Variants in HS6ST2 observed in about 807,000 individuals in gnomAD.
HS6ST2 encodes the protein heparan sulfate 6-O-sulfotransferase 2.
HS6ST2 carries 17 observed loss-of-function variants against 33.0 expected under a neutral mutation model. The ratio of observed to expected loss-of-function variants is 0.52; its 90% CI spans 0.35 to 0.77. The LOEUF is 0.77. Among genes scored for constraint, HS6ST2 ranks in the 30% least tolerant of loss-of-function variants. HS6ST2 has a pLI of 0.01. For missense variants in HS6ST2, 519 were observed against 551.7 expected (o/e 0.94, Z 0.59); for synonymous variants, 248 against 237.1 (o/e 1.05, Z -0.42).
intron 2 of HS6ST2, among the ~76,000 whole-genome samples, chrX:132,801,949 C>G (rs1248469828): frequency 9.0e-6 from 1 of 111,708 alleles, no homozygotes; most frequent in Non-Finnish European, 1.9e-5. Flanking sequence ...GATGTTTATC[C>G]TCTCCAGGGT....
intron 2 of HS6ST2, among the ~76,000 whole-genome samples, chrX:132,721,715 G>A (rs950731807): frequency 8.9e-6 from 1 of 111,732 alleles, no homozygotes; most frequent in Non-Finnish European, 1.9e-5. Context: ...AGGTTTTCTA[G>A]TGTGAACCCA....
chrX:132,733,370 T>C (rs1405378042), intron 2 of HS6ST2, among the ~76,000 whole-genome samples: 2 of 109,262 alleles, frequency 1.8e-5, no homozygotes, highest in Non-Finnish European at 3.8e-5. Flanking sequence ...AGTATGATAC[T>C]ATTCCCCCTA....
At chrX:132,904,533 TTGTGTGTGTG>T (rs58820779) in intron 2 of HS6ST2, among the ~76,000 whole-genome samples, 2 of 94,534 alleles carry the variant, frequency 2.1e-5, no homozygotes, top group Admixed American at 2.3e-4. Context: ...TTTTTTCTCT[TTGTGTGTGTG>T]TGTGTGTGTG....
At chrX:132,955,149 C>T (rs1226895348) in intron 2 of HS6ST2, among the ~76,000 whole-genome samples, 3 of 112,334 alleles carry the variant, frequency 2.7e-5, no homozygotes, top group Non-Finnish European at 5.6e-5. Flanking sequence ...AATACACCTA[C>T]AAGGTCTGTC....
chrX:132,936,955 G>T (rs1359144699), intron 2 of HS6ST2, among the ~76,000 whole-genome samples: 1 of 110,338 alleles, frequency 9.1e-6, no homozygotes, highest in Non-Finnish European at 1.9e-5. Flanking sequence ...CTTATATATA[G>T]AAAACCCTAA....
intron 2 of HS6ST2, among the ~76,000 whole-genome samples, chrX:132,921,370 G>A (rs947204750): frequency 1.8e-5 from 2 of 112,313 alleles, no homozygotes; most frequent in African/African-American, 6.5e-5. Flanking sequence ...TTTGAAAAGT[G>A]CTGGTTTGGA....
intron 2 of HS6ST2, among the ~76,000 whole-genome samples, chrX:132,794,574 G>GATTATTATTATT (rs1556445928): frequency 6.5e-4 from 64 of 99,066 alleles, no homozygotes; most frequent in South Asian, 2.9e-3. Flanking sequence ...TGATGATGAT[G>GATTATTATTATT]ATTATTATTA....
At chrX:132,891,838 A>T (rs967343944) in intron 2 of HS6ST2, among the ~76,000 whole-genome samples, 3 of 111,607 alleles carry the variant, frequency 2.7e-5, no homozygotes, top group African/African-American at 9.8e-5. Context: ...TAGTGCCACA[A>T]CAAACATATG....
intron 2 of HS6ST2, among the ~76,000 whole-genome samples, chrX:132,948,097 TA>T (rs2066975388): frequency 8.9e-6 from 1 of 111,917 alleles, no homozygotes; most frequent in Non-Finnish European, 1.9e-5. Context: ...TCATTAGAAC[TA>T]AACTCTTCAT....
At chrX:132,729,896 CAT>C (rs1228552552) in intron 2 of HS6ST2, among the ~76,000 whole-genome samples, 2 of 109,507 alleles carry the variant, frequency 1.8e-5, no homozygotes, top group East Asian at 5.8e-4. Context: ...GAACTGGTGA[CAT>C]AGACTATGAT....
intron 2 of HS6ST2, among the ~76,000 whole-genome samples, chrX:132,795,124 T>C (rs1243617096): frequency 2.7e-5 from 3 of 111,403 alleles, no homozygotes; most frequent in Non-Finnish European, 3.8e-5. Flanking sequence ...GACTACTCCT[T>C]CCTTCCACTT....
upstream of HS6ST2, among the ~76,000 whole-genome samples, chrX:132,960,373 A>G (rs937765442): frequency 9.0e-6 from 1 of 110,739 alleles, no homozygotes; most frequent in Non-Finnish European, 1.9e-5. Flanking sequence ...TGTCGCATAA[A>G]GATTCCCTGC....
chrX:132,954,064 T>C (rs142205539), intron 2 of HS6ST2, among the ~76,000 whole-genome samples: 2 of 112,345 alleles, frequency 1.8e-5, no homozygotes, highest in Non-Finnish European at 3.8e-5. Context: ...TCTCATCTGA[T>C]AAATGGGGAT....
At chrX:132,662,753 T>A (rs1029906725) in intron 4 of HS6ST2, among the ~76,000 whole-genome samples, 2 of 112,620 alleles carry the variant, frequency 1.8e-5, no homozygotes, top group African/African-American at 6.4e-5. Flanking sequence ...TTTCCATGGC[T>A]GGACTCTTTC....
At position 132,760,000 on chromosome X, in the gene HS6ST2, A is replaced by G. The variant is rs1012123599; in HGVS notation, c.948-51506T>C. 4.5e-5 allele frequency among the ~76,000 whole-genome samples: 5 copies of G among 111,831 alleles called. No individual in the cohort carries two copies. The Middle Eastern group carries it at 0.018, about 410-fold the overall frequency. Reference sequence around the variant, plus strand: ...GGTCACATGGCTAATAAGTAAAGACATGGCTCCAACTCACTACTATCTAAT... The same window carrying G: ...GGTCACATGGCTAATAAGTAAAGACGTGGCTCCAACTCACTACTATCTAAT... On this transcript the variant is annotated intron_variant, in intron 2 of 4. Transcript: ENST00000370833.
chrX:132,811,697 T>TATATATAC (rs1276686787), intron 2 of HS6ST2, among the ~76,000 whole-genome samples: 4 of 82,473 alleles, frequency 4.9e-5, no homozygotes, highest in Non-Finnish European at 9.5e-5. Flanking sequence ...TATATATATA[T>TATATATAC]ATATATATAT....
intron 4 of HS6ST2, among the ~76,000 whole-genome samples, chrX:132,643,393 T>C (rs767492097): frequency 1.8e-5 from 2 of 111,688 alleles, no homozygotes; most frequent in Non-Finnish European, 3.8e-5. Context: ...GTAAGAGCCA[T>C]GTCCCATGTG....
chrX:132,924,307 A>G (rs146710316), intron 2 of HS6ST2, among the ~76,000 whole-genome samples: 2,031 of 112,137 alleles, frequency 0.018, 103 homozygotes, highest in Admixed American at 0.16. Context: ...CAATAGTTGC[A>G]AAGTCACAGC....
intron 4 of HS6ST2, among the ~76,000 whole-genome samples, chrX:132,662,746 C>T (rs755552891): frequency 1.5e-4 from 17 of 112,460 alleles, no homozygotes; most frequent in Admixed American, 9.4e-4. Flanking sequence ...AGAAACATTT[C>T]CATGGCTGGA....
Sources: gnomAD v4.1 joint callset for allele counts (sites outside exome capture counted in the v4.1 genomes callset) on GRCh38, gnomAD v4.1.1 for gene constraint, MANE v1.5 for transcripts, NCBI Gene and HGNC (gene_info 2026-07-23, HGNC 2026-07-21) for gene names.